ZDHHC20: variants seen among roughly 807,000 people sequenced by gnomAD.
The protein encoded by ZDHHC20 is zDHHC palmitoyltransferase 20, also known as palmitoyltransferase ZDHHC20.
Under a neutral mutation model 57.8 loss-of-function variants are expected in ZDHHC20, and 43 were observed. The observed-to-expected ratio is 0.74, with a 90% CI of 0.58 to 0.96. The LOEUF (loss-of-function observed/expected upper bound fraction) is 0.96, where lower values mean the gene tolerates loss of function less well. Ranked by LOEUF, ZDHHC20 falls within the 40% of genes least tolerant of loss-of-function variation. The pLI is 0.00. For missense variants in ZDHHC20, 391 were observed against 441.1 expected (o/e 0.89, Z 1.02); for synonymous variants, 157 against 153.0 (o/e 1.03, Z -0.19).
chr13:21,408,091 C>T (rs556891743), intron 4 of ZDHHC20, among the ~76,000 whole-genome samples: 85 of 152,060 alleles, frequency 5.6e-4, no homozygotes, highest in Middle Eastern at 3.4e-3. Context: ...AGGATTGTCT[C>T]GGCTATACAG....
At chr13:21,412,374 A>C (rs1189325927) in intron 4 of ZDHHC20, among the ~76,000 whole-genome samples, 1 of 152,236 alleles carries the variant, frequency 6.6e-6, no homozygotes, top group Non-Finnish European at 1.5e-5. Context: ...CTAGAATTCC[A>C]AGGCTAAAAG....
rs560153699 is a variant in ZDHHC20, at chr13:21,408,227, C to T, written c.371-5361G>A. On this transcript the variant is annotated intron_variant, in intron 4 of 12. Transcript: ENST00000400590. ...ACTTTGGGCAGCATGGCCATTTTCA[C>T]GATATTGATTCTTCCTATCCATGAG... Among the ~76,000 whole-genome samples, 11 of 152,248 alleles carry T rather than the reference C, an allele frequency of 7.2e-5. No individual in the cohort carries two copies. The South Asian group carries it at 8.3e-4, about 11-fold the overall frequency.
At chr13:21,453,563 C>T (rs1252260992) in intron 1 of ZDHHC20, among the ~76,000 whole-genome samples, 1 of 152,090 alleles carries the variant, frequency 6.6e-6, no homozygotes, top group Non-Finnish European at 1.5e-5. Context: ...CTCAGACAGA[C>T]CACATTCTGG....
intron 1 of ZDHHC20, among the ~76,000 whole-genome samples, chr13:21,438,925 C>A (rs1882830972): frequency 1.3e-5 from 2 of 152,220 alleles, no homozygotes; most frequent in Non-Finnish European, 2.9e-5. Context: ...TCAAGACTTG[C>A]TGAAGGCTTA....
At chr13:21,445,305 T>C (rs1437192298) in intron 1 of ZDHHC20, among the ~76,000 whole-genome samples, 2 of 152,174 alleles carry the variant, frequency 1.3e-5, no homozygotes, top group Admixed American at 6.5e-5. Context: ...TTTGGTTTTA[T>C]GTATCAATTG....
At chr13:21,447,169 GTTACT>G (rs752067572) in intron 1 of ZDHHC20, among the ~76,000 whole-genome samples, 35 of 151,548 alleles carry the variant, frequency 2.3e-4, no homozygotes, top group Admixed American at 4.0e-4. Context: ...TAAAACTTAA[GTTACT>G]TTAAACAACC....
chr13:21,376,679 T>C (rs1244782129), intron 12 of ZDHHC20, 24 bp from the exon 13 acceptor site: 3 of 1,367,896 alleles, frequency 2.2e-6, no homozygotes, highest in Non-Finnish European at 3.0e-6. Context: ...AACAAATTAT[T>C]GGTTAAAACT....
intron 6 of ZDHHC20, among the ~76,000 whole-genome samples, chr13:21,401,088 G>A (rs965383369): frequency 2.0e-5 from 3 of 151,916 alleles, no homozygotes; most frequent in Non-Finnish European, 4.4e-5. Context: ...GACCAGCATG[G>A]GCAACATGGA....
Position 21,380,499 on chromosome 13 carries a change from G to T in ZDHHC20, c.1060+935C>A, listed in dbSNP as rs114186672. ...ACTAAGCAAAAGCTGGGACCCTAAA[G>T]AATAACACTGCTGGCCGGGCATGGT... On this transcript the variant is annotated intron_variant, in intron 11 of 12. Coordinates refer to ENST00000400590, the MANE Select transcript of ZDHHC20 (RefSeq NM_001330059.2). 3.0e-3 allele frequency among the ~76,000 whole-genome samples: 450 copies of T among 151,438 alleles called. 3 individuals carry two copies. The highest frequency in any genetic ancestry group is 0.01 in the African/African-American group (418 of 41,384).
At chr13:21,441,708 C>T (rs1883193546) in intron 1 of ZDHHC20, among the ~76,000 whole-genome samples, 1 of 151,770 alleles carries the variant, frequency 6.6e-6, no homozygotes, top group South Asian at 2.1e-4. Context: ...AGCCCTCTTC[C>T]ACTATATTTT....
Position 21,441,132 on chromosome 13 carries a change from C to CA in ZDHHC20, c.119-15455dup, listed in dbSNP as rs374824818. Among the ~76,000 whole-genome samples, 432 of 152,036 alleles carry CA rather than the reference C, an allele frequency of 2.8e-3. 2 individuals carry two copies. Among genetic ancestry groups the CA allele is most frequent in the African/African-American group, 0.01 (416 of 41,514 alleles). ...GTATCCACTTGTCTAGCACCAGAAA[C>CA]AAAAAAATGTTTACTGGAATTAGAA... On this transcript the variant is annotated intron_variant, in intron 1 of 12. Coordinates refer to ENST00000400590, the MANE Select transcript of ZDHHC20 (RefSeq NM_001330059.2).
rs1871407666 is a variant in ZDHHC20 at position 21,372,767 on chromosome 13, C to T, written c.*3929G>A. ...GCTTATGGTACTTGTTAGGTAAACA[C>T]AACCAAACTAAACTGTACTTCAAAT... On this transcript the variant is annotated 3_prime_UTR_variant, in exon 13 of 13. Transcript: ENST00000400590. 6.6e-6 allele frequency: 1 copy of T among 152,152 alleles called. No individual in the cohort carries two copies. The highest frequency in any genetic ancestry group is 1.5e-5 in the Non-Finnish European group (1 of 68,006). 9.4% of individuals were successfully genotyped at this position (152,152 alleles called of 1,614,324 possible). A position where few individuals can be genotyped will look rare whatever the true frequency, so the allele number is the denominator to read the frequency against.
Position 21,439,968 on chromosome 13 carries a change from G to A in ZDHHC20, c.119-14290C>T, listed in dbSNP as rs571110606. Among the ~76,000 whole-genome samples, 186 of 149,392 alleles carry A rather than the reference G, an allele frequency of 1.2e-3. 1 individual carries two copies. Among genetic ancestry groups the A allele is most frequent in the African/African-American group, 4.1e-3 (165 of 40,484 alleles). ...TGTAATCCCAGCTACTCAACAGGCC[G>A]AGGCACAAGAATTGCTCAAACCCAG... On this transcript the variant is annotated intron_variant, in intron 1 of 12. Transcript: ENST00000400590.
rs1243230303 is a variant in ZDHHC20, at chr13:21,373,825, C to T, written c.*2871G>A. ...CAGCCTTTCCCTGATTCCCACACCA[C>T]TTGTAGGCCTTTGCTAGAATGGTCA... is the stretch of plus-strand genomic sequence containing the variant. On this transcript the variant is annotated 3_prime_UTR_variant, in exon 13 of 13. Transcript: ENST00000400590. The T allele has an allele frequency of 1.3e-5, 2 of 152,218 alleles. No homozygotes were observed. The highest frequency in any genetic ancestry group is 1.5e-5 in the Non-Finnish European group (1 of 68,050). 9.4% of individuals were successfully genotyped at this position (152,218 alleles called of 1,614,324 possible).
chr13:21,452,125 T>C (rs911930594), intron 1 of ZDHHC20, among the ~76,000 whole-genome samples: 2 of 152,222 alleles, frequency 1.3e-5, no homozygotes, highest in African/African-American at 4.8e-5. Context: ...AAGCATGTAT[T>C]ATTCCAGTTA....
intron 12 of ZDHHC20, 56 bp from the exon 13 acceptor site, chr13:21,376,711 A>T: frequency 3.4e-6 from 4 of 1,193,412 alleles, no homozygotes; most frequent in Non-Finnish European, 4.6e-6. Context: ...TTCTGAAAAT[A>T]TTTACTAAAT....
At chr13:21,457,613 G>A (rs549132924) in intron 1 of ZDHHC20, among the ~76,000 whole-genome samples, 4 of 152,304 alleles carry the variant, frequency 2.6e-5, no homozygotes, top group African/African-American at 9.6e-5. Context: ...CCTACCTGCA[G>A]GGATAGTCGT....
intron 7 of ZDHHC20, among the ~76,000 whole-genome samples, chr13:21,398,592 C>T (rs1877172263): frequency 6.6e-6 from 1 of 151,952 alleles, no homozygotes; most frequent in Non-Finnish European, 1.5e-5. Flanking sequence ...ATTTTTTTCC[C>T]CTAGTATACC....
chr13:21,431,603 C>A (rs1045791310), intron 1 of ZDHHC20, among the ~76,000 whole-genome samples: 2 of 152,234 alleles, frequency 1.3e-5, no homozygotes, highest in Admixed American at 6.5e-5. Context: ...CTTCCACTTA[C>A]AATGGATCAG....
Sources: gnomAD v4.1 joint callset for allele counts (sites outside exome capture counted in the v4.1 genomes callset) on GRCh38, gnomAD v4.1.1 for gene constraint, MANE v1.5 for transcripts, NCBI Gene and HGNC (gene_info 2026-07-23, HGNC 2026-07-21) for gene names.